The following ARHGEF18 variants were observed in gnomAD, a reference collection of about 807,000 sequenced individuals.
The protein encoded by ARHGEF18 is Rho/Rac guanine nucleotide exchange factor 18.
A neutral mutation model predicts 155.7 loss-of-function variants in ARHGEF18; 93 were observed. That is an observed-to-expected ratio of 0.60 (90% CI 0.50 to 0.71). ARHGEF18 has a LOEUF of 0.71. Among genes scored for constraint, ARHGEF18 ranks in the 30% least tolerant of loss-of-function variants. The probability of loss-of-function intolerance (pLI) is 0.00; values close to 1 mark genes in which losing one functional copy is unlikely to be tolerated. For missense variants in ARHGEF18, 1,593 were observed against 1,816.1 expected (o/e 0.88, Z 2.23); for synonymous variants, 742 against 753.1 (o/e 0.99, Z 0.24).
rs561855122 is a variant in ARHGEF18, at chr19:7,441,271, C to T, written c.1107-382C>T. ...CTCAGCTCACTGCAACCTCCACCTCCCAGATTCAAGTGATTCCCCTACCTC... is the reference window on the plus strand; with the variant it reads ...CTCAGCTCACTGCAACCTCCACCTCTCAGATTCAAGTGATTCCCCTACCTC... On this transcript the variant is annotated intron_variant, in intron 11 of 28. Transcript: ENST00000668164. 4.7e-5 allele frequency among the ~76,000 whole-genome samples: 7 copies of T among 150,362 alleles called. No homozygotes were observed. In the South Asian group the frequency reaches 1.5e-3, roughly 31 times the overall value.
At chr19:7,365,714 C>T (rs150802692) in intron 2 of ARHGEF18, among the ~76,000 whole-genome samples, 288 of 152,302 alleles carry the variant, frequency 1.9e-3, no homozygotes, top group African/African-American at 6.8e-3. Flanking sequence ...ACTTTGTCTT[C>T]AGAGCTGGAG....
Position 7,417,551 on chromosome 19 carries a change from A to G in ARHGEF18, c.968-22793A>G, listed in dbSNP as rs202187321. Among the ~76,000 whole-genome samples the G allele has an allele frequency of 8.5e-4, 129 of 152,266 alleles. 1 individual carries two copies. In the East Asian group the frequency reaches 0.025, roughly 29 times the overall value. ...CATCTCTACTAAAAATACAAAAATCAGCCAGACGAGTGGCGCACGCCTGTA... is the reference window on the plus strand; with the variant it reads ...CATCTCTACTAAAAATACAAAAATCGGCCAGACGAGTGGCGCACGCCTGTA... On this transcript the variant is annotated intron_variant, in intron 10 of 28. Coordinates refer to ENST00000668164, the MANE Select transcript of ARHGEF18 (RefSeq NM_001367823.1).
intron 14 of ARHGEF18, among the ~76,000 whole-genome samples, chr19:7,445,915 G>A (rs891512130): frequency 5.3e-5 from 8 of 152,092 alleles, no homozygotes; most frequent in Non-Finnish European, 7.4e-5. Flanking sequence ...GAGCCACTGC[G>A]CCTGGCCTGC....
intron 10 of ARHGEF18, among the ~76,000 whole-genome samples, chr19:7,430,692 C>A (rs1051933994): frequency 6.6e-6 from 1 of 152,060 alleles, no homozygotes; most frequent in African/African-American, 2.4e-5. Flanking sequence ...ATAGTCCCAG[C>A]CACTTGGGAA....
chr19:7,370,864 C>G (rs1970169977), intron 2 of ARHGEF18, among the ~76,000 whole-genome samples: 1 of 151,570 alleles, frequency 6.6e-6, no homozygotes, highest in Non-Finnish European at 1.5e-5. Flanking sequence ...TAGGAGGTCT[C>G]TGGACTCGTC....
At chr19:7,475,612 TC>T (rs1977212455), downstream of ARHGEF18, among the ~76,000 whole-genome samples, 1 of 152,068 alleles carries the variant, frequency 6.6e-6, no homozygotes, top group South Asian at 2.1e-4. Flanking sequence ...TCTGGAAGCA[TC>T]CAACCTGTCT....
At chr19:7,383,319 C>A in intron 10 of ARHGEF18, 116 bp downstream of exon 10, 1 of 1,176,676 alleles carries the variant, frequency 8.5e-7, no homozygotes, top group Non-Finnish European at 1.1e-6. Flanking sequence ...TCTGTTTTGC[C>A]CTCTCCTCGG....
intron 10 of ARHGEF18, among the ~76,000 whole-genome samples, chr19:7,408,123 A>G (rs1456559620): frequency 2.0e-5 from 3 of 152,112 alleles, no homozygotes; most frequent in Non-Finnish European, 4.4e-5. Flanking sequence ...TACTAAAAAT[A>G]CAAAAATTAT....
At chr19:7,439,475 AG>A (rs1009148731) in intron 10 of ARHGEF18, among the ~76,000 whole-genome samples, 11 of 152,064 alleles carry the variant, frequency 7.2e-5, no homozygotes, top group African/African-American at 2.4e-4. Flanking sequence ...TAATTTAAAA[AG>A]TTGCATCTTT....
chr19:7,376,935 A>G (rs534096279), intron 5 of ARHGEF18, among the ~76,000 whole-genome samples, 178 bp downstream of exon 5: 4 of 152,244 alleles, frequency 2.6e-5, no homozygotes, highest in African/African-American at 7.2e-5. Flanking sequence ...GCAGGGACTG[A>G]GCAGAACGCT....
rs970411491 is a variant in ARHGEF18 at position 7,438,507 on chromosome 19, G to A, written c.968-1837G>A. 5.3e-5 allele frequency among the ~76,000 whole-genome samples: 8 copies of A among 151,892 alleles called. 1 individual carries two copies. The highest frequency in any genetic ancestry group is 1.9e-4 in the African/African-American group (8 of 41,438). On this transcript the variant is annotated intron_variant, in intron 10 of 28. Coordinates refer to ENST00000668164, the MANE Select transcript of ARHGEF18 (RefSeq NM_001367823.1). ...GCTCACCACAACCTCCACCTCCGGG[G>A]TTCAAACGATTCTCCTGCCTCAGCC...
rs1218494167 is a variant in ARHGEF18 at position 7,467,541 on chromosome 19, C to A, written c.3337C>A (p.Arg1113Ser). Reference protein sequence around the residue: ...EQERAELERQRQAYQHDLERL... With the variant: ...EQERAELERQSQAYQHDLERL... ...GGAGCGGGCCGAGCTGGAGCGCCAG[C>A]GCCAGGCCTACCAGCACGACCTGGA... is the stretch of plus-strand genomic sequence containing the variant. Residue 1113 changes from arginine (R) to serine (S), a missense_variant, in exon 26 of 29, where the codon CGC becomes AGC. By Grantham distance (110) the Arg-to-Ser change is moderately radical (BLOSUM62 -1). Coordinates refer to ENST00000668164, the MANE Select transcript of ARHGEF18 (RefSeq NM_001367823.1). 19 of 1,461,124 alleles carry A rather than the reference C, an allele frequency of 1.3e-5. No homozygotes were observed. The highest frequency in any genetic ancestry group is 1.6e-5 in the Non-Finnish European group (18 of 1,117,258). The allele number at this position is 1,461,124 out of a possible 1,614,324, so 90.5% of individuals were successfully genotyped here.
rs1047734470 is a variant in ARHGEF18 at position 7,463,337 on chromosome 19, C to T, written c.2636-481C>T. 9.2e-5 allele frequency among the ~76,000 whole-genome samples: 14 copies of T among 152,300 alleles called. No homozygotes were observed. Among genetic ancestry groups the T allele is most frequent in the East Asian group, 3.9e-4 (2 of 5,180 alleles). ...CACCTTGGCCTGGAATGTTCTTGTC[C>T]CCACCTCTGTGCCTGGCCACAGCCT... On this transcript the variant is annotated intron_variant, in intron 21 of 28. Coordinates refer to ENST00000668164, the MANE Select transcript of ARHGEF18 (RefSeq NM_001367823.1). This position sits in a 1 kb window ranked among gnomAD's most constrained non-coding sequence, Gnocchi z 5.2.
At position 7,395,427 on chromosome 19, in the gene ARHGEF18, A is replaced by C. The variant is rs1181447269; in HGVS notation, c.967+12224A>C. ...GGGGTGCAGGCTGCTCCTTCAATGC[A>C]TGGAGGCTCTAGGCGGCGATTGCAG... On this transcript the variant is annotated intron_variant, in intron 10 of 28. Transcript: ENST00000668164. The surrounding 1 kb of genome is among the most constrained non-coding windows in gnomAD (Gnocchi z 5.0). Among the ~76,000 whole-genome samples, 1 of 151,968 alleles carries C rather than the reference A, an allele frequency of 6.6e-6. No homozygotes were observed. Among genetic ancestry groups the C allele is most frequent in the Non-Finnish European group, 1.5e-5 (1 of 67,946 alleles).
chr19:7,387,432 G>C (rs373461827), intron 10 of ARHGEF18, among the ~76,000 whole-genome samples: 1 of 151,766 alleles, frequency 6.6e-6, no homozygotes, highest in Non-Finnish European at 1.5e-5. Context: ...GATTATAGGC[G>C]TGAGCCACCG....
intron 1 of ARHGEF18, among the ~76,000 whole-genome samples, chr19:7,362,040 G>GAA (rs1969595588): frequency 4.7e-5 from 2 of 42,866 alleles, no homozygotes; most frequent in South Asian, 8.3e-4. Context: ...AGAAGGAGAA[G>GAA]GAGAAGGAGA....
chr19:7,453,722 G>T lies in ARHGEF18; in HGVS notation c.2104+7G>T. ...ACATCAGGGCGCTTGAAAGGTAAAG[G>T]CCTGCCCCTGCCCACCTCTAGTGGG... On this transcript the variant is annotated splice_region_variant and intron_variant, in intron 17 of 28. Transcript: ENST00000668164. 1 of 1,538,426 alleles carries T rather than the reference G, an allele frequency of 6.5e-7. No individual in the cohort carries two copies. The highest frequency in any genetic ancestry group is 8.8e-7 in the Non-Finnish European group (1 of 1,141,048).
intron 10 of ARHGEF18, among the ~76,000 whole-genome samples, chr19:7,430,849 T>A (rs1350197463): frequency 6.6e-6 from 1 of 151,846 alleles, no homozygotes; most frequent in Non-Finnish European, 1.5e-5. Context: ...CCCACATCCA[T>A]AGACAATAAA....
rs1349467213 is a variant in ARHGEF18 at position 7,442,149 on chromosome 19, CCTTCCTTCCTTCCTTCCTTCCTTA to C, written c.1360+98_1360+121del. On this transcript the variant is annotated intron_variant, in intron 13 of 28. Coordinates refer to ENST00000668164, the MANE Select transcript of ARHGEF18 (RefSeq NM_001367823.1). ...CCCTTCCTTCCTTCCTTCCTTCCTTCCTTCCTTCCTTCCTTCCTTCCTTATCTTTTTCTTTCTTTCTTTCTCTCT... is the reference window on the plus strand; with the variant it reads ...CCCTTCCTTCCTTCCTTCCTTCCTTCTCTTTTTCTTTCTTTCTTTCTCTCT... 2.1e-5 allele frequency: 10 copies of C among 476,742 alleles called. No individual in the cohort carries two copies. The African/African-American group carries it at 5.1e-4, about 24-fold the overall frequency. 29.5% of individuals were successfully genotyped at this position (476,742 alleles called of 1,614,324 possible).
Sources: allele counts gnomAD v4.1 joint callset (sites outside exome capture counted in the v4.1 genomes callset), GRCh38; gene constraint gnomAD v4.1.1; non-coding constraint Gnocchi (gnomAD v3.1); transcripts MANE v1.5; gene names NCBI Gene and HGNC (gene_info 2026-07-23, HGNC 2026-07-21).